PLEKHM3: variants seen among roughly 807,000 people sequenced by gnomAD.
PLEKHM3 encodes pleckstrin homology domain-containing family M member 3.
PLEKHM3 carries 45 observed loss-of-function variants against 81.8 expected under a neutral mutation model. That is an observed-to-expected ratio of 0.55 (90% confidence interval 0.43 to 0.71). The LOEUF (loss-of-function observed/expected upper bound fraction) is 0.71. Ranked by LOEUF, PLEKHM3 falls within the 30% of genes least tolerant of loss-of-function variation. The pLI is 0.00. For missense variants in PLEKHM3, 788 were observed against 924.3 expected, an observed-to-expected ratio of 0.85 and a Z score of 1.91; for synonymous variants, 352 against 356.4, an observed-to-expected ratio of 0.99 and a Z score of 0.14.
At chr2:208,014,788 A>G (rs1692826460) in intron 1 of PLEKHM3, among the ~76,000 whole-genome samples, 1 of 152,216 alleles carries the variant, frequency 6.6e-6, no homozygotes. Context: ...AACATTCTGG[A>G]GTTGAATTCT....
intron 1 of PLEKHM3, among the ~76,000 whole-genome samples, chr2:208,004,073 T>A (rs1692412048): frequency 6.6e-6 from 1 of 152,026 alleles, no homozygotes; most frequent in South Asian, 2.1e-4. Context: ...TATCAAACTA[T>A]CTAGATATAT....
In PLEKHM3 at chr2:208,001,827, G is replaced by A. The variant is rs910169629; in HGVS notation, c.-188C>T. 3.4e-6 allele frequency: 3 copies of A among 880,640 alleles called. No homozygotes were observed. The highest frequency in any genetic ancestry group is 3.4e-5 in the African/African-American group (2 of 59,034). The allele number at this position is 880,640 out of a possible 1,614,324, so 54.6% of individuals were successfully genotyped here. ...GTTTTCCTGGTAATTAAAAGCATTT[G>A]CTAGTGGCTAATGGGCATTAACAGA... On this transcript the variant is annotated 5_prime_UTR_variant, in exon 2 of 8. Coordinates refer to ENST00000427836, the MANE Select transcript of PLEKHM3 (RefSeq NM_001080475.3).
chr2:207,957,760 C>T (rs1488317047), intron 3 of PLEKHM3, among the ~76,000 whole-genome samples: 3 of 151,984 alleles, frequency 2.0e-5, no homozygotes, highest in African/African-American at 7.2e-5. Flanking sequence ...CAGCAGAAGA[C>T]ATTAATTAAT....
At chr2:207,860,454 C>T in intron 7 of PLEKHM3, among the ~76,000 whole-genome samples, 1 of 152,042 alleles carries the variant, frequency 6.6e-6, no homozygotes, top group Non-Finnish European at 1.5e-5. Flanking sequence ...CCAAAGAGGC[C>T]AGTGCACACA....
intron 5 of PLEKHM3, among the ~76,000 whole-genome samples, chr2:207,920,233 G>C (rs1406586238): frequency 6.6e-6 from 1 of 152,198 alleles, no homozygotes; most frequent in African/African-American, 2.4e-5. Context: ...GACTAAACCT[G>C]ACAAACATGT....
intron 3 of PLEKHM3, among the ~76,000 whole-genome samples, chr2:207,963,786 A>G (rs533550261): frequency 6.6e-6 from 1 of 152,250 alleles, no homozygotes; most frequent in Admixed American, 6.5e-5. Context: ...TAAAGAAAAC[A>G]TGGAAACCTG....
intron 7 of PLEKHM3, among the ~76,000 whole-genome samples, chr2:207,839,352 T>TA (rs1318344062): frequency 6.6e-6 from 1 of 152,128 alleles, no homozygotes; most frequent in East Asian, 1.9e-4. Flanking sequence ...GCAAAAAGTC[T>TA]AGAAGATAAG....
Position 208,001,112 on chromosome 2 carries a change from T to A in PLEKHM3, c.528A>T (p.Pro176=). The change falls in exon 2 of 8, where the codon CCA becomes CCT. Residue 176 remains proline (P), a synonymous_variant. Coordinates refer to ENST00000427836, the MANE Select transcript of PLEKHM3 (RefSeq NM_001080475.3). Reference sequence around the variant, plus strand: ...TGGTGACATGCGGGCCTTGAAGCAATGGCTGCTGCTGTTGCTGCTGCTGCA... The same window carrying A: ...TGGTGACATGCGGGCCTTGAAGCAAAGGCTGCTGCTGTTGCTGCTGCTGCA... The part of the protein sequence containing the change: ...TPLQQQQQQQ[P]LLQGPHVTRP... The A allele has an allele frequency of 6.3e-7, 1 of 1,593,850 alleles. No individual in the cohort carries two copies. The highest frequency in any genetic ancestry group is 8.5e-7 in the Non-Finnish European group (1 of 1,170,354).
intron 5 of PLEKHM3, among the ~76,000 whole-genome samples, chr2:207,910,013 A>T (rs1688759582): frequency 6.6e-6 from 1 of 152,226 alleles, no homozygotes. Flanking sequence ...GAGTAGGTGT[A>T]TTCTAGTAAG....
chr2:207,901,433 C>G, intron 6 of PLEKHM3: 1 of 681,890 alleles, frequency 1.5e-6, no homozygotes, highest in Non-Finnish European at 2.7e-6. Context: ...TAGTTATGCT[C>G]AGCAGGTAGT....
chr2:208,019,561 C>T (rs976849760), intron 1 of PLEKHM3: 5 of 152,168 alleles, frequency 3.3e-5, no homozygotes, highest in African/African-American at 9.7e-5. Context: ...AGATTTCCTC[C>T]ATTATTATGC....
rs2105875774 is a variant in PLEKHM3, at chr2:207,827,991, A to G, written c.*328T>C. The G allele has an allele frequency of 6.0e-6, 1 of 167,230 alleles. No individual in the cohort carries two copies. The highest frequency in any genetic ancestry group is 1.6e-4 in the East Asian group (1 of 6,258). The allele number at this position is 167,230 out of a possible 1,614,324, so 10.4% of individuals were successfully genotyped here. On this transcript the variant is annotated 3_prime_UTR_variant, in exon 8 of 8. Transcript: ENST00000427836. Reference sequence around the variant, plus strand: ...TAATAAAATGTACCGAGAGACAGAGAGAAAAAAAAAGTCTGAACTATAAAG... The same window carrying G: ...TAATAAAATGTACCGAGAGACAGAGGGAAAAAAAAAGTCTGAACTATAAAG...
At chr2:208,009,915 T>A (rs1296658400) in intron 1 of PLEKHM3, among the ~76,000 whole-genome samples, 1 of 152,192 alleles carries the variant, frequency 6.6e-6, no homozygotes, top group African/African-American at 2.4e-5. Context: ...AGCTTTTACA[T>A]TTTTTTCTTG....
intron 5 of PLEKHM3, among the ~76,000 whole-genome samples, chr2:207,920,602 C>A (rs1356065677): frequency 6.7e-6 from 1 of 149,972 alleles, no homozygotes; most frequent in East Asian, 1.9e-4. Flanking sequence ...AGAATGATTT[C>A]TAAATCTACT....
intron 6 of PLEKHM3, among the ~76,000 whole-genome samples, chr2:207,897,635 G>A (rs941091318): frequency 7.2e-5 from 11 of 152,136 alleles, no homozygotes; most frequent in African/African-American, 1.7e-4. Context: ...GTGTGTGACC[G>A]CTGCAGCGGC....
chr2:207,982,997 T>C (rs1204027974), intron 2 of PLEKHM3, among the ~76,000 whole-genome samples: 2 of 152,160 alleles, frequency 1.3e-5, no homozygotes, highest in Non-Finnish European at 2.9e-5. Context: ...GTAAGGTTTC[T>C]GGTCAACAGT....
At chr2:207,832,371 G>A (rs149440140) in intron 7 of PLEKHM3, among the ~76,000 whole-genome samples, 106 of 152,270 alleles carry the variant, frequency 7.0e-4, no homozygotes, top group Non-Finnish European at 1.3e-3. Flanking sequence ...AAGGGAAATT[G>A]TTCTCTTACA....
intron 2 of PLEKHM3, among the ~76,000 whole-genome samples, chr2:207,991,243 T>A (rs1341859623): frequency 6.6e-6 from 1 of 152,218 alleles, no homozygotes; most frequent in Non-Finnish European, 1.5e-5. Flanking sequence ...GAATTAAATA[T>A]AAAAGACCCT....
chr2:207,910,291 G>A (rs574209243), intron 5 of PLEKHM3, among the ~76,000 whole-genome samples: 1 of 152,286 alleles, frequency 6.6e-6, no homozygotes, highest in East Asian at 1.9e-4. Flanking sequence ...CCCTGTCGTG[G>A]AAGGTAGACC....
Sources: gnomAD v4.1 joint callset for allele counts (sites outside exome capture counted in the v4.1 genomes callset) on GRCh38, gnomAD v4.1.1 for gene constraint, MANE v1.5 for transcripts, NCBI Gene and HGNC (gene_info 2026-07-23, HGNC 2026-07-21) for gene names.